Variants in CCBE1 observed in about 807,000 individuals in gnomAD.
The protein encoded by CCBE1 is collagen and calcium-binding EGF domain-containing protein 1.
Under a neutral mutation model 50.0 loss-of-function variants are expected in CCBE1, and 37 were observed. That is an observed-to-expected ratio of 0.74 (90% CI 0.57 to 0.97). The LOEUF is 0.97. Ranked by LOEUF, CCBE1 falls within the 50% of genes least tolerant of loss-of-function variation. The pLI is 0.00. For missense variants in CCBE1, 538 were observed against 523.8 expected (o/e 1.03, Z -0.26); for synonymous variants, 234 against 203.7 (o/e 1.15, Z -1.27).
chr18:59,533,085 T>C (rs1175768100), intron 2 of CCBE1, among the ~76,000 whole-genome samples: 1 of 152,236 alleles, frequency 6.6e-6, no homozygotes, highest in Non-Finnish European at 1.5e-5. Context: ...AGTTCTCTTT[T>C]TTCCCCCTCT....
chr18:59,680,168 C>G (rs1038506894), intron 2 of CCBE1, among the ~76,000 whole-genome samples: 2 of 151,396 alleles, frequency 1.3e-5, no homozygotes, highest in African/African-American at 4.9e-5. Flanking sequence ...TTGCAGTGAG[C>G]AGAGACTGCG....
chr18:59,562,660 C>CTGT (rs1568208072), intron 2 of CCBE1, among the ~76,000 whole-genome samples: 2 of 152,230 alleles, frequency 1.3e-5, no homozygotes. Flanking sequence ...CTTTTGTTAC[C>CTGT]TGTTACTCCC....
chr18:59,590,686 T>A (rs2053251407), intron 2 of CCBE1, among the ~76,000 whole-genome samples: 1 of 152,190 alleles, frequency 6.6e-6, no homozygotes, highest in Non-Finnish European at 1.5e-5. Flanking sequence ...ACCAATGGAT[T>A]AGAGCAGAAA....
intron 2 of CCBE1, among the ~76,000 whole-genome samples, chr18:59,624,907 C>T (rs2053759882): frequency 6.6e-6 from 1 of 152,198 alleles, no homozygotes; most frequent in Admixed American, 6.5e-5. Flanking sequence ...GATAAAGTAT[C>T]AGTCATGTTT....
At chr18:59,624,440 T>TA (rs1303523295) in intron 2 of CCBE1, among the ~76,000 whole-genome samples, 13 of 152,238 alleles carry the variant, frequency 8.5e-5, no homozygotes, top group Admixed American at 8.5e-4. Flanking sequence ...TTTAAAGTTT[T>TA]AAAAATATAT....
chr18:59,507,887 CTTTCT>C (rs1469607133), intron 2 of CCBE1, among the ~76,000 whole-genome samples: 1 of 146,730 alleles, frequency 6.8e-6, no homozygotes, highest in Non-Finnish European at 1.5e-5. Flanking sequence ...TTTTTTTCCT[CTTTCT>C]TTTCCTTTTT....
At position 59,469,575 on chromosome 18, in the gene CCBE1, G is replaced by C. The variant is rs1911927658; in HGVS notation, c.298C>G (p.Gln100Glu). ...YDVCAEAPCE[Q>E]QCTDNFGRVL... Reference sequence around the variant, plus strand: ...CGGCCAAAGTTGTCCGTGCACTGCTGTTCACAGGGAGCCTCGGCACAAACG... The same window carrying C: ...CGGCCAAAGTTGTCCGTGCACTGCTCTTCACAGGGAGCCTCGGCACAAACG... The change falls in exon 4 of 11, where the codon CAG becomes GAG. Residue 100 changes from glutamine to glutamate, a missense_variant. Transcript: ENST00000439986. 6.2e-7 allele frequency: 1 copy of C among 1,614,196 alleles called. No individual in the cohort carries two copies. Among genetic ancestry groups the C allele is most frequent in the African/African-American group, 1.3e-5 (1 of 75,058 alleles).
chr18:59,515,964 A>G lies in CCBE1; in HGVS notation c.213-35726T>C, dbSNP rs556743313. On this transcript the variant is annotated intron_variant, in intron 2 of 10. Transcript: ENST00000439986. ...ATGCTCAAGCAACATTTGTGCTTTTACTTTTATTTTTTTGAGATGGAGTCT... is the reference window on the plus strand; with the variant it reads ...ATGCTCAAGCAACATTTGTGCTTTTGCTTTTATTTTTTTGAGATGGAGTCT... 1.0e-4 allele frequency among the ~76,000 whole-genome samples: 15 copies of G among 145,860 alleles called. No homozygotes were observed. In the South Asian group the frequency reaches 2.3e-3, roughly 23 times the overall value.
At chr18:59,486,942 A>G (rs1406271431) in intron 2 of CCBE1, among the ~76,000 whole-genome samples, 1 of 151,938 alleles carries the variant, frequency 6.6e-6, no homozygotes, top group Non-Finnish European at 1.5e-5. Flanking sequence ...AGAGAATCAT[A>G]AAAAGCATAT....
At chr18:59,546,667 A>G (rs1915695628) in intron 2 of CCBE1, among the ~76,000 whole-genome samples, 1 of 152,238 alleles carries the variant, frequency 6.6e-6, no homozygotes. Context: ...TGTTATAGTT[A>G]AGAAATCCAA....
intron 2 of CCBE1, among the ~76,000 whole-genome samples, chr18:59,512,390 T>C (rs1024654066): frequency 3.9e-5 from 6 of 152,240 alleles, no homozygotes; most frequent in Admixed American, 3.3e-4. Context: ...CCCATCTGTA[T>C]GCTCCCCTCA....
intron 2 of CCBE1, among the ~76,000 whole-genome samples, chr18:59,642,810 G>A (rs1055583250): frequency 1.1e-4 from 16 of 151,894 alleles, no homozygotes; most frequent in African/African-American, 1.9e-4. Context: ...TTAGCCAGGC[G>A]TGATGGTAGG....
intron 2 of CCBE1, among the ~76,000 whole-genome samples, chr18:59,576,176 C>T (rs1423369276): frequency 2.0e-5 from 3 of 152,202 alleles, no homozygotes; most frequent in Non-Finnish European, 4.4e-5. Flanking sequence ...GCATGAAAGG[C>T]ATTTGGCTTG....
chr18:59,543,658 AC>A (rs1361621251), intron 2 of CCBE1, among the ~76,000 whole-genome samples: 1 of 152,040 alleles, frequency 6.6e-6, no homozygotes, highest in Non-Finnish European at 1.5e-5. Flanking sequence ...ACAGGGTGAA[AC>A]CCCGTCTCTA....
chr18:59,481,476 G>A (rs1912568132), intron 2 of CCBE1, among the ~76,000 whole-genome samples: 1 of 152,102 alleles, frequency 6.6e-6, no homozygotes, highest in South Asian at 2.1e-4. Flanking sequence ...AAAGAAGTTT[G>A]GCAAGCCCCA....
chr18:59,657,096 C>A (rs1251344391), intron 2 of CCBE1, among the ~76,000 whole-genome samples: 4 of 152,232 alleles, frequency 2.6e-5, no homozygotes, highest in Non-Finnish European at 2.9e-5. Context: ...TTGGTCCCTG[C>A]ATCTCTAGAA....
At chr18:59,582,672 C>T (rs1435878798) in intron 2 of CCBE1, among the ~76,000 whole-genome samples, 1 of 152,238 alleles carries the variant, frequency 6.6e-6, no homozygotes, top group African/African-American at 2.4e-5. Context: ...CAGCCACCCC[C>T]CAGTCCACAC....
At chr18:59,692,415 T>A (rs2054744503) in intron 2 of CCBE1, among the ~76,000 whole-genome samples, 1 of 152,180 alleles carries the variant, frequency 6.6e-6, no homozygotes, top group African/African-American at 2.4e-5. Context: ...CACCAAGTAG[T>A]AGAGCTGGGA....
At chr18:59,631,202 C>T (rs2053844222) in intron 2 of CCBE1, among the ~76,000 whole-genome samples, 1 of 150,920 alleles carries the variant, frequency 6.6e-6, no homozygotes, top group Non-Finnish European at 1.5e-5. Flanking sequence ...CAGTACTTTT[C>T]TATGATCTGG....
Sources: allele counts gnomAD v4.1 joint callset (sites outside exome capture counted in the v4.1 genomes callset), GRCh38; gene constraint gnomAD v4.1.1; transcripts MANE v1.5; gene names NCBI Gene and HGNC (gene_info 2026-07-23, HGNC 2026-07-21).